HMCN1: variants seen among roughly 807,000 people sequenced by gnomAD.
HMCN1 encodes the protein hemicentin-1.
A neutral mutation model predicts 625.9 loss-of-function variants in HMCN1; 321 were observed. That is an observed-to-expected ratio of 0.51 (90% CI 0.47 to 0.56). HMCN1 has a LOEUF of 0.56. HMCN1 is among the 20% of genes least tolerant of loss of function. The pLI, the probability that HMCN1 is intolerant of heterozygous loss-of-function variation, is 0.00. For synonymous variants in HMCN1, 2,425 were observed against 2,417.6 expected, an observed-to-expected ratio of 1.00 and a Z score of -0.09; for missense variants, 6,588 against 6,887.3, an observed-to-expected ratio of 0.96 and a Z score of 1.54.
chr1:186,108,392 C>T (rs984771267), intron 70 of HMCN1, 69 bp from the exon 71 acceptor site: 37 of 1,609,658 alleles, frequency 2.3e-5, no homozygotes, highest in Non-Finnish European at 6.8e-6. Context: ...TTTCATATAG[C>T]AGAACCAACA....
At chr1:186,168,244 A>G (rs1310059468) in intron 100 of HMCN1, among the ~76,000 whole-genome samples, 1 of 151,334 alleles carries the variant, frequency 6.6e-6, no homozygotes, top group Admixed American at 6.6e-5. Flanking sequence ...AGCCCAACCA[A>G]AAGAGGAAGA....
rs1045518349 is a variant in HMCN1, at chr1:186,120,076, G to A, written c.12160G>A (p.Gly4054Ser). The stretch of plus-strand genomic sequence containing the variant: ...CTCCAGAGCTGTCCGAGAGGATGCT[G>A]GCACTTACATGTGTGTGGCCCAGAA... ...QISRAVREDA[G>S]TYMCVAQNPA... The change falls in exon 80 of 107, where the codon GGC (glycine) becomes AGC (serine). Residue 4054 changes from glycine (G) to serine (S), a missense_variant. Coordinates refer to ENST00000271588, the MANE Select transcript of HMCN1 (RefSeq NM_031935.3). The A allele has an allele frequency of 6.2e-7, 1 of 1,614,042 alleles. No individual in the cohort carries two copies. Among genetic ancestry groups the A allele is most frequent in the Non-Finnish European group, 8.5e-7 (1 of 1,179,980 alleles).
At chr1:185,932,033 G>A (rs553468548) in intron 10 of HMCN1, among the ~76,000 whole-genome samples, 1 of 152,018 alleles carries the variant, frequency 6.6e-6, no homozygotes, top group Non-Finnish European at 1.5e-5. Context: ...ATTGCACGAG[G>A]CATATTTGTA....
At chr1:185,755,077 G>T (rs951927451) in intron 1 of HMCN1, among the ~76,000 whole-genome samples, 3 of 151,990 alleles carry the variant, frequency 2.0e-5, no homozygotes, top group Non-Finnish European at 4.4e-5. Flanking sequence ...CTAGCTCCTG[G>T]AATATATGTC....
intron 1 of HMCN1, among the ~76,000 whole-genome samples, chr1:185,746,297 C>T (rs1311897187): frequency 1.3e-5 from 2 of 152,176 alleles, no homozygotes; most frequent in Non-Finnish European, 2.9e-5. Context: ...GTTCTTTGTG[C>T]TTCAGTTTCA....
Position 186,067,901 on chromosome 1 carries a change from C to A in HMCN1, c.7773C>A (p.Ser2591Arg). ...AAGATGTCACTGTCATCCTTAACAG[C>A]CCTACATCTTTGGTCTGTGAAGCTT... is the stretch of plus-strand genomic sequence containing the variant. ...NPEDVTVILN[S>R]PTSLVCEAYS... Residue 2591 changes from serine to arginine, a missense_variant, in exon 50 of 107, where the codon AGC becomes AGA. Ser to Arg is a moderately radical substitution (Grantham distance 110). Transcript: ENST00000271588. 3 of 1,610,552 alleles carry A rather than the reference C, an allele frequency of 1.9e-6. No homozygotes were observed. The highest frequency in any genetic ancestry group is 2.5e-6 in the Non-Finnish European group (3 of 1,176,810).
At chr1:185,881,102 G>T (rs928844926) in intron 4 of HMCN1, among the ~76,000 whole-genome samples, 1 of 152,214 alleles carries the variant, frequency 6.6e-6, no homozygotes, top group Non-Finnish European at 1.5e-5. Context: ...AATGTTAACA[G>T]CTCAGTGGGC....
intron 40 of HMCN1, among the ~76,000 whole-genome samples, chr1:186,044,309 A>G (rs1422070899): frequency 6.6e-6 from 1 of 152,180 alleles, no homozygotes; most frequent in African/African-American, 2.4e-5. Flanking sequence ...GAATCTCTGC[A>G]CAAATGCTCC....
rs972963624 is a variant in HMCN1, at chr1:185,904,780, G to A, written c.622-4557G>A. Among the ~76,000 whole-genome samples, 9 of 151,876 alleles carry A rather than the reference G, an allele frequency of 5.9e-5. No individual in the cohort carries two copies. In the East Asian group the frequency reaches 1.7e-3, roughly 29 times the overall value. ...TGTGAAGATCAATATAAGACTTTAA[G>A]AAGTATCCATCATCTAATAAGCACT... On this transcript the variant is annotated intron_variant, in intron 4 of 106. Transcript: ENST00000271588.
At chr1:186,021,409 T>C (rs1381905037) in intron 35 of HMCN1, among the ~76,000 whole-genome samples, 2 of 152,042 alleles carry the variant, frequency 1.3e-5, no homozygotes, top group African/African-American at 4.8e-5. Context: ...GTATATGGTC[T>C]TGGAGCTCAA....
In HMCN1 at chr1:186,053,976, G is replaced by T. The variant is rs141701245; in HGVS notation, c.6852G>T (p.Leu2284=). The T allele has an allele frequency of 5.0e-6, 8 of 1,612,252 alleles. No homozygotes were observed. Among genetic ancestry groups the T allele is most frequent in the Non-Finnish European group, 6.8e-6 (8 of 1,179,030 alleles). Residue 2284 remains leucine, a synonymous_variant, in exon 44 of 107, where the codon CTG becomes CTT. Coordinates refer to ENST00000271588, the MANE Select transcript of HMCN1 (RefSeq NM_031935.3). ...VAGTAKKEYN[L]QVYIRPTITN... ...GGACTGCAAAGAAAGAATACAATCT[G>T]CAAGTTTACAGTAAGTTGTTGATTA...
intron 1 of HMCN1, among the ~76,000 whole-genome samples, chr1:185,735,568 C>G (rs1371416450): frequency 6.6e-6 from 1 of 152,098 alleles, no homozygotes; most frequent in African/African-American, 2.4e-5. Flanking sequence ...AGAGAGAAAC[C>G]AATCATTTCT....
At position 185,922,406 on chromosome 1, in the gene HMCN1, C is replaced by A; in HGVS notation, c.928C>A (p.Arg310Ser). The change falls in exon 7 of 107, where the codon CGC (arginine) becomes AGC (serine). Residue 310 changes from arginine (R) to serine (S), a missense_variant. Physicochemically the swap from Arg to Ser is moderately radical, Grantham distance 110. Coordinates refer to ENST00000271588, the MANE Select transcript of HMCN1 (RefSeq NM_031935.3). ...KTSSSGRHSV[R>S]ITGLSTIDFR... ...CTCAAGCAGTGGAAGGCACTCTGTT[C>A]GCATTACTGGCCTCAGTACTATTGA... 6.2e-7 allele frequency: 1 copy of A among 1,613,526 alleles called. No individual in the cohort carries two copies. Among genetic ancestry groups the A allele is most frequent in the Non-Finnish European group, 8.5e-7 (1 of 1,179,772 alleles).
At chr1:186,067,090 T>C (rs1389113940) in intron 49 of HMCN1, among the ~76,000 whole-genome samples, 3 of 152,196 alleles carry the variant, frequency 2.0e-5, no homozygotes, top group Admixed American at 2.0e-4. Context: ...CTACATTTTA[T>C]ATTTTTATGT....
chr1:185,851,045 T>G (rs1662131261), intron 2 of HMCN1, among the ~76,000 whole-genome samples: 1 of 152,196 alleles, frequency 6.6e-6, no homozygotes, highest in African/African-American at 2.4e-5. Flanking sequence ...GGATATATTT[T>G]GTTCAGTGTT....
At chr1:185,856,170 AAG>A (rs1662450536) in intron 2 of HMCN1, among the ~76,000 whole-genome samples, 1 of 152,192 alleles carries the variant, frequency 6.6e-6, no homozygotes, top group Non-Finnish European at 1.5e-5. Flanking sequence ...TATTTTAAGA[AAG>A]AGAGCTGAGA....
At position 186,087,993 on chromosome 1, in the gene HMCN1, A is replaced by T; in HGVS notation, c.9425A>T (p.Asn3142Ile). The T allele has an allele frequency of 6.2e-7, 1 of 1,613,278 alleles. No individual in the cohort carries two copies. Among genetic ancestry groups the T allele is most frequent in the Non-Finnish European group, 8.5e-7 (1 of 1,179,464 alleles). The change falls in exon 61 of 107, where the codon AAT becomes ATT. Residue 3142 changes from asparagine to isoleucine, a missense_variant. Asn to Ile is a moderately radical substitution (Grantham distance 149, BLOSUM62 -3). This residue lies in a region of HMCN1 where 4,628 missense variants were observed against 4,853.1 expected (regional missense o/e 0.95). Coordinates refer to ENST00000271588, the MANE Select transcript of HMCN1 (RefSeq NM_031935.3). ...AATGTAGCAGGACGGGATGATAAAAATTTCCACCTCAATGTATATGGTGAG... is the reference window on the plus strand; with the variant it reads ...AATGTAGCAGGACGGGATGATAAAATTTTCCACCTCAATGTATATGGTGAG... ...AINVAGRDDK[N>I]FHLNVYVPPS...
At chr1:186,088,831 A>C in intron 63 of HMCN1, 76 bp downstream of exon 63, 1 of 1,370,484 alleles carries the variant, frequency 7.3e-7, no homozygotes, top group Non-Finnish European at 1.0e-6. Flanking sequence ...CTACATTTAA[A>C]GGTATCAGTA....
At chr1:186,079,371 A>ACT (rs1223581772) in intron 55 of HMCN1, among the ~76,000 whole-genome samples, 6 of 151,358 alleles carry the variant, frequency 4.0e-5, no homozygotes, top group Non-Finnish European at 8.8e-5. Flanking sequence ...CAGTAGTATT[A>ACT]CTCTCTCTCT....
Sources: gnomAD v4.1 joint callset for allele counts (sites outside exome capture counted in the v4.1 genomes callset) on GRCh38, gnomAD v4.1.1 for gene constraint, gnomAD v4.1.1 regional missense constraint, MANE v1.5 for transcripts, NCBI Gene and HGNC (gene_info 2026-07-23, HGNC 2026-07-21) for gene names.